NALF1: variants seen among roughly 807,000 people sequenced by gnomAD.
NALF1 encodes the protein family with sequence similarity 155 member A.
In NALF1, 3 loss-of-function variants were observed where a neutral mutation model predicts 48.4. The ratio of observed to expected loss-of-function variants is 0.06; its 90% confidence interval spans 0.03 to 0.16. The LOEUF (loss-of-function observed/expected upper bound fraction) is 0.16, where lower values mean the gene tolerates loss of function less well. Among genes scored for constraint, NALF1 ranks in the 10% least tolerant of loss-of-function variants. The pLI is 1.00. For synonymous variants in NALF1, 262 were observed against 245.7 expected, an observed-to-expected ratio of 1.07 and a Z score of -0.62; for missense variants, 526 against 571.5, an observed-to-expected ratio of 0.92 and a Z score of 0.81.
At chr13:107,681,179 G>A (rs775995000) in intron 1 of NALF1, among the ~76,000 whole-genome samples, 3 of 152,006 alleles carry the variant, frequency 2.0e-5, no homozygotes, top group Non-Finnish European at 2.9e-5. Context: ...TTCAAGAGAC[G>A]AGTGGCACTA....
chr13:107,401,544 A>G (rs1166013546), intron 1 of NALF1, among the ~76,000 whole-genome samples: 1 of 152,198 alleles, frequency 6.6e-6, no homozygotes, highest in Non-Finnish European at 1.5e-5. Context: ...ATTAAAGCAA[A>G]TTATTATTTT....
chr13:107,278,285 T>C (rs1881319796), intron 1 of NALF1, among the ~76,000 whole-genome samples: 1 of 152,242 alleles, frequency 6.6e-6, no homozygotes, highest in Non-Finnish European at 1.5e-5. Context: ...ACATGTGATC[T>C]CATGCTCTTT....
chr13:107,752,006 A>G (rs932025211), intron 1 of NALF1, among the ~76,000 whole-genome samples: 1 of 152,078 alleles, frequency 6.6e-6, no homozygotes, highest in Non-Finnish European at 1.5e-5. Flanking sequence ...AAACATATTA[A>G]TATTTATATT....
chr13:107,440,434 C>T (rs1884538001), intron 1 of NALF1, among the ~76,000 whole-genome samples: 1 of 152,158 alleles, frequency 6.6e-6, no homozygotes, highest in Non-Finnish European at 1.5e-5. Context: ...CACATTCCTT[C>T]ATTTATTCAA....
intron 1 of NALF1, among the ~76,000 whole-genome samples, chr13:107,664,615 T>C (rs1880809845): frequency 2.6e-5 from 4 of 152,196 alleles, no homozygotes; most frequent in Admixed American, 2.0e-4. Flanking sequence ...ATGACTTCTC[T>C]CCTATTCTAC....
intron 1 of NALF1, among the ~76,000 whole-genome samples, chr13:107,296,551 T>C (rs761270893): frequency 1.2e-4 from 18 of 152,166 alleles, no homozygotes; most frequent in Non-Finnish European, 2.4e-4. Flanking sequence ...AAAAAAATAT[T>C]TTATTCAAGC....
In NALF1 at chr13:107,724,729, T is replaced by C. The variant is rs150448179; in HGVS notation, c.915+140953A>G. On this transcript the variant is annotated intron_variant, in intron 1 of 2. Coordinates refer to ENST00000375915, the MANE Select transcript of NALF1 (RefSeq NM_001080396.3). ...GACATGCACCACCATGCCCATCAAA[T>C]TTTTGTGGTTTTTTTGTTTTTGTTT... Among the ~76,000 whole-genome samples the C allele has an allele frequency of 2.2e-3, 335 of 152,096 alleles. 2 individuals carry two copies. Among genetic ancestry groups the C allele is most frequent in the African/African-American group, 7.8e-3 (323 of 41,476 alleles).
chr13:107,234,547 C>G (rs910040529), intron 1 of NALF1, among the ~76,000 whole-genome samples: 12 of 152,216 alleles, frequency 7.9e-5, no homozygotes, highest in Admixed American at 2.0e-4. Flanking sequence ...GCCTGTCAGC[C>G]GGCCCTGAGC....
chr13:107,301,148 C>T (rs1421714750), intron 1 of NALF1, among the ~76,000 whole-genome samples: 2 of 152,084 alleles, frequency 1.3e-5, no homozygotes, highest in Non-Finnish European at 2.9e-5. Context: ...TTAACCAAGG[C>T]TACTGAAGTC....
intron 1 of NALF1, among the ~76,000 whole-genome samples, chr13:107,376,995 C>A (rs1883350552): frequency 6.6e-6 from 1 of 152,160 alleles, no homozygotes; most frequent in African/African-American, 2.4e-5. Flanking sequence ...GCATTTAATG[C>A]CAACCGATTT....
In NALF1 at chr13:107,866,018, C is replaced by G. The variant is rs775568686; in HGVS notation, c.579G>C (p.Arg193Ser). The G allele has an allele frequency of 3.7e-6, 6 of 1,612,018 alleles. No individual in the cohort carries two copies. The African/African-American group carries it at 6.7e-5, about 18-fold the overall frequency. ...TVENADAVCA[R>S]NWSRGAAGGD... ...CCCCGGCCGCCCCCCGACTCCAGTT[C>G]CTGGCGCACACCGCGTCCGCATTCT... is the stretch of plus-strand genomic sequence containing the variant. Residue 193 changes from arginine to serine, a missense_variant, in exon 1 of 3, where the codon AGG (arginine) becomes AGC (serine). Coordinates refer to ENST00000375915, the MANE Select transcript of NALF1 (RefSeq NM_001080396.3). The surrounding 1 kb of genome is among the most constrained non-coding windows in gnomAD (Gnocchi z 4.4).
chr13:107,479,032 A>C (rs1254109626), intron 1 of NALF1, among the ~76,000 whole-genome samples: 2 of 152,110 alleles, frequency 1.3e-5, no homozygotes, highest in African/African-American at 4.8e-5. Flanking sequence ...TCTTCACATC[A>C]AAGTTGCTTT....
rs1877984118 is a variant in NALF1, at chr13:107,783,537, G to T, written c.915+82145C>A. Among the ~76,000 whole-genome samples the T allele has an allele frequency of 2.0e-5, 3 of 152,254 alleles. No individual in the cohort carries two copies. In the South Asian group the frequency reaches 6.2e-4, roughly 32 times the overall value. ...GTACTAAGAAAAATTCTTCTGCCTT[G>T]GGATCCTGTTGATCTGTGACCTTAC... On this transcript the variant is annotated intron_variant, in intron 1 of 2. Coordinates refer to ENST00000375915, the MANE Select transcript of NALF1 (RefSeq NM_001080396.3).
chr13:107,227,445 G>A (rs1880129738), intron 1 of NALF1, among the ~76,000 whole-genome samples: 1 of 152,150 alleles, frequency 6.6e-6, no homozygotes, highest in Admixed American at 6.5e-5. Flanking sequence ...GTCTATAGAA[G>A]GGCTTTTAAA....
At chr13:107,605,115 A>T (rs1371542557) in intron 1 of NALF1, among the ~76,000 whole-genome samples, 1 of 152,092 alleles carries the variant, frequency 6.6e-6, no homozygotes, top group Admixed American at 6.5e-5. Flanking sequence ...CTAGAAACGA[A>T]CTCTTAGCTG....
At chr13:107,445,604 G>T (rs1360325950) in intron 1 of NALF1, among the ~76,000 whole-genome samples, 1 of 152,178 alleles carries the variant, frequency 6.6e-6, no homozygotes, top group Non-Finnish European at 1.5e-5. Flanking sequence ...GGTTCATATG[G>T]TAAGTATGTG....
chr13:107,637,893 T>C (rs1391526997), intron 1 of NALF1, among the ~76,000 whole-genome samples: 1 of 152,078 alleles, frequency 6.6e-6, no homozygotes, highest in African/African-American at 2.4e-5. Context: ...TCCTTACTTG[T>C]CTAATGTTCA....
chr13:107,634,408 C>G (rs374085253), intron 1 of NALF1, among the ~76,000 whole-genome samples: 1 of 152,034 alleles, frequency 6.6e-6, no homozygotes, highest in South Asian at 2.1e-4. Context: ...TGTACTCCAT[C>G]AATTTATTAA....
At chr13:107,672,420 G>A (rs1002193532) in intron 1 of NALF1, among the ~76,000 whole-genome samples, 1 of 152,108 alleles carries the variant, frequency 6.6e-6, no homozygotes, top group Non-Finnish European at 1.5e-5. Flanking sequence ...ACATAGGGGA[G>A]GTGCTCCCTG....
Sources: allele counts gnomAD v4.1 joint callset (sites outside exome capture counted in the v4.1 genomes callset), GRCh38; gene constraint gnomAD v4.1.1; non-coding constraint Gnocchi (gnomAD v3.1); transcripts MANE v1.5; gene names NCBI Gene and HGNC (gene_info 2026-07-23, HGNC 2026-07-21).